Variants in MRPL48 observed in about 807,000 individuals in gnomAD.
MRPL48 encodes the protein mitochondrial ribosomal protein L48, also known as large ribosomal subunit protein mL48.
A neutral mutation model predicts 32.9 loss-of-function variants in MRPL48; 16 were observed. The ratio of observed to expected loss-of-function variants is 0.49; its 90% CI spans 0.33 to 0.74. MRPL48 has a LOEUF of 0.74. Ranked by LOEUF, MRPL48 falls within the 30% of genes least tolerant of loss-of-function variation. MRPL48 has a pLI of 0.02. For synonymous variants in MRPL48, 94 were observed against 89.2 expected (o/e 1.05, Z -0.31); for missense variants, 206 against 245.3 (o/e 0.84, Z 1.07).
At chr11:73,846,700 T>C (rs1359750256) in intron 5 of MRPL48, among the ~76,000 whole-genome samples, 1 of 150,062 alleles carries the variant, frequency 6.7e-6, no homozygotes, top group Admixed American at 6.7e-5. Flanking sequence ...ATGGTCTCTC[T>C]CTCCCACCCA....
At chr11:73,807,837 C>A (rs2134968169) in intron 2 of MRPL48, among the ~76,000 whole-genome samples, 1 of 152,100 alleles carries the variant, frequency 6.6e-6, no homozygotes, top group Non-Finnish European at 1.5e-5. Context: ...CGGGGTTTCG[C>A]CATATTGGGC....
intron 5 of MRPL48, chr11:73,850,581 G>T (rs1217154302): frequency 2.9e-6 from 1 of 346,062 alleles, no homozygotes; most frequent in Non-Finnish European, 5.6e-6. Flanking sequence ...AACTTTGTCT[G>T]TTCTTTTCTA....
Position 73,863,270 on chromosome 11 carries a change from TG to T in MRPL48, c.564+11del, listed in dbSNP as rs1948615842. The T allele has an allele frequency of 6.4e-7, 1 of 1,556,904 alleles. No individual in the cohort carries two copies. Among genetic ancestry groups the T allele is most frequent in the African/African-American group, 1.4e-5 (1 of 73,448 alleles). ...GACTGTCAGTGAAGGAGGTAGGTGC[TG>T]GTTTGAGAAGAGGCCCCTGCTGGCC... On this transcript the variant is annotated intron_variant, in intron 7 of 7. Transcript: ENST00000310614.
At chr11:73,797,531 T>C (rs1339893264) in intron 1 of MRPL48, among the ~76,000 whole-genome samples, 2 of 152,212 alleles carry the variant, frequency 1.3e-5, no homozygotes, top group Non-Finnish European at 2.9e-5. Context: ...GAGCGCCACG[T>C]GTTCCCCAGT....
chr11:73,823,696 T>C (rs1258254747), intron 3 of MRPL48, among the ~76,000 whole-genome samples: 1 of 150,130 alleles, frequency 6.7e-6, no homozygotes, highest in Non-Finnish European at 1.5e-5. Flanking sequence ...CAGGATCTTC[T>C]TATGTTGCCC....
chr11:73,813,189 T>C (rs1947599898), intron 3 of MRPL48, among the ~76,000 whole-genome samples: 1 of 152,056 alleles, frequency 6.6e-6, no homozygotes, highest in Non-Finnish European at 1.5e-5. Context: ...TACTTATTTT[T>C]GAGACAGAGT....
chr11:73,804,932 G>A, intron 1 of MRPL48, 95 bp from the exon 2 acceptor site: 1 of 1,151,472 alleles, frequency 8.7e-7, no homozygotes, highest in Non-Finnish European at 1.2e-6. Context: ...GTCCTTTTCT[G>A]GTTTGTGTAC....
intron 1 of MRPL48, among the ~76,000 whole-genome samples, chr11:73,791,516 A>G (rs773698645): frequency 7.9e-5 from 12 of 151,870 alleles, no homozygotes; most frequent in Non-Finnish European, 1.5e-4. Flanking sequence ...TCCTGGGCTC[A>G]AGCGATCCTC....
intron 1 of MRPL48, 71 bp downstream of exon 1, chr11:73,788,063 G>A (rs546396243): frequency 2.9e-5 from 46 of 1,589,324 alleles, no homozygotes; most frequent in Non-Finnish European, 3.7e-5. Flanking sequence ...ATGGCGGAGG[G>A]TGCAGAGCGG....
intron 1 of MRPL48, among the ~76,000 whole-genome samples, chr11:73,790,062 ATTTTT>A (rs34534770): frequency 9.6e-6 from 1 of 103,828 alleles, no homozygotes; most frequent in African/African-American, 3.7e-5. Context: ...TGCTCAGCTA[ATTTTT>A]TTTTTTTTTT....
chr11:73,847,289 A>G (rs952712190), intron 5 of MRPL48, among the ~76,000 whole-genome samples: 1 of 152,184 alleles, frequency 6.6e-6, no homozygotes, highest in African/African-American at 2.4e-5. Context: ...GCACTTCACT[A>G]ATAAATAATG....
chr11:73,820,630 AC>A (rs1947761289), intron 3 of MRPL48, among the ~76,000 whole-genome samples: 1 of 152,096 alleles, frequency 6.6e-6, no homozygotes, highest in South Asian at 2.1e-4. Flanking sequence ...TAGGGCCTTT[AC>A]ACATGCTGTT....
chr11:73,822,565 T>C (rs921854400), intron 3 of MRPL48, among the ~76,000 whole-genome samples: 3 of 152,214 alleles, frequency 2.0e-5, no homozygotes, highest in African/African-American at 7.2e-5. Flanking sequence ...CTTGATGAAA[T>C]AGCGTGGATT....
At chr11:73,829,818 G>A (rs1483802877) in intron 4 of MRPL48, among the ~76,000 whole-genome samples, 1 of 152,198 alleles carries the variant, frequency 6.6e-6, no homozygotes, top group Non-Finnish European at 1.5e-5. Context: ...AGGCTGGAAT[G>A]CAGTGGTGCA....
intron 3 of MRPL48, among the ~76,000 whole-genome samples, chr11:73,817,360 T>C (rs941157191): frequency 1.3e-5 from 2 of 152,192 alleles, no homozygotes; most frequent in African/African-American, 4.8e-5. Flanking sequence ...TTAGGGTACA[T>C]TTCTGAAAGT....
intron 5 of MRPL48, among the ~76,000 whole-genome samples, chr11:73,857,445 C>CT (rs916636906): frequency 7.7e-4 from 111 of 144,690 alleles, no homozygotes; most frequent in African/African-American, 1.0e-3. Flanking sequence ...TTTTTTCTTC[C>CT]TTTTTTTTTT....
At chr11:73,833,497 G>T (rs1948033036) in intron 4 of MRPL48, among the ~76,000 whole-genome samples, 1 of 152,014 alleles carries the variant, frequency 6.6e-6, no homozygotes, top group Non-Finnish European at 1.5e-5. Flanking sequence ...TATTCCCTTG[G>T]AACATTGGTG....
At chr11:73,838,088 A>G (rs892332531) in intron 4 of MRPL48, among the ~76,000 whole-genome samples, 1 of 152,096 alleles carries the variant, frequency 6.6e-6, no homozygotes. Flanking sequence ...TCCTGACCTC[A>G]TGGTCCGCCT....
At chr11:73,832,250 C>T (rs1049614674) in intron 4 of MRPL48, 1 of 152,172 alleles carries the variant, frequency 6.6e-6, no homozygotes, top group African/African-American at 2.4e-5. Flanking sequence ...CCCTAGGAAT[C>T]AAGGTAGCTT....
Sources: gnomAD v4.1 joint callset for allele counts (sites outside exome capture counted in the v4.1 genomes callset) on GRCh38, gnomAD v4.1.1 for gene constraint, MANE v1.5 for transcripts, NCBI Gene and HGNC (gene_info 2026-07-23, HGNC 2026-07-21) for gene names.